The following PLCD1 variants were observed in gnomAD, a reference collection of about 807,000 sequenced individuals.
PLCD1 encodes phospholipase C delta 1, also known as 1-phosphatidylinositol 4,5-bisphosphate phosphodiesterase delta-1.
A neutral mutation model predicts 87.4 loss-of-function variants in PLCD1; 71 were observed. The ratio of observed to expected loss-of-function variants is 0.81; its 90% CI spans 0.67 to 0.99. PLCD1 has a LOEUF of 0.99. PLCD1 is among the 50% of genes least tolerant of loss of function. PLCD1 has a pLI of 0.00. For missense variants in PLCD1, 867 were observed against 1,001.5 expected (o/e 0.87, Z 1.81); for synonymous variants, 348 against 399.2 (o/e 0.87, Z 1.53).
chr3:38,008,686 T>C, intron 11 of PLCD1, 50 bp from the exon 12 acceptor site: 2 of 1,509,586 alleles, frequency 1.3e-6, no homozygotes, highest in Non-Finnish European at 1.8e-6. Context: ...CCTGGGGCCC[T>C]AGAGCACAGC....
intron 1 of PLCD1, among the ~76,000 whole-genome samples, chr3:38,022,599 A>C (rs1700251136): frequency 6.6e-6 from 1 of 152,214 alleles, no homozygotes; most frequent in African/African-American, 2.4e-5. Context: ...TCCTGGAGCC[A>C]GGCTGTGGCC....
Position 38,008,465 on chromosome 3 carries a change from T to C in PLCD1, c.1895A>G (p.Asn632Ser), listed in dbSNP as rs765407275. ...QGPWWARKRL[N>S]IRVISGQQLP... is the part of the protein sequence containing the mutation. ...CTCCTAGGTCCAGCGTACCCTGATG[T>C]TGAGCCGCTTCCGTGCCCACCAGGG... is the stretch of plus-strand genomic sequence containing the variant. The change falls in exon 12 of 15, where the codon AAC becomes AGC. Residue 632 changes from asparagine to serine, a missense_variant. Asn to Ser is a conservative substitution (Grantham distance 46, BLOSUM62 1). Coordinates refer to ENST00000334661, the MANE Select transcript of PLCD1 (RefSeq NM_006225.4). The C allele has an allele frequency of 6.2e-7, 1 of 1,614,198 alleles. No homozygotes were observed. The highest frequency in any genetic ancestry group is 1.1e-5 in the South Asian group (1 of 91,088).
chr3:38,007,664 G>A lies in PLCD1; in HGVS notation c.*109C>T. The stretch of plus-strand genomic sequence containing the variant: ...ACTATGTTAGGGCTGAAGGCAATTT[G>A]GGGGCCTAGCTCTGAGCAAGAGGCT... On this transcript the variant is annotated 3_prime_UTR_variant, in exon 15 of 15. Transcript: ENST00000334661. The A allele has an allele frequency of 1.2e-6, 1 of 840,478 alleles. No homozygotes were observed. The highest frequency in any genetic ancestry group is 1.9e-5 in the Admixed American group (1 of 51,540). The allele number at this position is 840,478 out of a possible 1,614,324, so 52.1% of individuals were successfully genotyped here.
chr3:38,007,985 C>T (rs1350800248), intron 14 of PLCD1, 29 bp downstream of exon 14: 2 of 1,614,046 alleles, frequency 1.2e-6, no homozygotes, highest in Admixed American at 1.7e-5. Context: ...TTCCCACCAC[C>T]TTGGCCATCC....
At chr3:38,014,076 C>A (rs904086062) in intron 3 of PLCD1, among the ~76,000 whole-genome samples, 1 of 152,084 alleles carries the variant, frequency 6.6e-6, no homozygotes, top group South Asian at 2.1e-4. Context: ...TGAAAGAAGA[C>A]ATAAATAAAT....
chr3:38,012,030 TC>T, intron 3 of PLCD1, among the ~76,000 whole-genome samples: 1 of 143,912 alleles, frequency 6.9e-6, no homozygotes, highest in South Asian at 2.2e-4. Flanking sequence ...GTTTTCCTTT[TC>T]TTTTTTTTTT....
intron 3 of PLCD1, among the ~76,000 whole-genome samples, chr3:38,012,031 C>CTTTTTTTTTTTT (rs763245915): frequency 8.7e-5 from 12 of 137,656 alleles, no homozygotes; most frequent in African/African-American, 2.8e-4. Flanking sequence ...TTTTCCTTTT[C>CTTTTTTTTTTTT]TTTTTTTTTT....
At chr3:38,012,287 G>A (rs1454740356) in intron 3 of PLCD1, among the ~76,000 whole-genome samples, 2 of 150,994 alleles carry the variant, frequency 1.3e-5, no homozygotes, top group Non-Finnish European at 2.9e-5. Flanking sequence ...TGGGATTACA[G>A]ATATGAGCCA....
At chr3:38,024,331 C>T (rs1211343145) in intron 1 of PLCD1, 1 of 1,612,152 alleles carries the variant, frequency 6.2e-7, no homozygotes, top group South Asian at 1.1e-5. Flanking sequence ...GCTCTGCGCC[C>T]CTTACCCAGC....
chr3:38,008,101 T>A lies in PLCD1; in HGVS notation c.2098A>T (p.Ile700Phe), dbSNP rs201646348. 1 of 1,613,384 alleles carries A rather than the reference T, an allele frequency of 6.2e-7. No individual in the cohort carries two copies. Among genetic ancestry groups the A allele is most frequent in the African/African-American group, 1.3e-5 (1 of 74,700 alleles). The change falls in exon 14 of 15, where the codon ATC becomes TTC. Residue 700 changes from isoleucine (I) to phenylalanine (F), a missense_variant. Coordinates refer to ENST00000334661, the MANE Select transcript of PLCD1 (RefSeq NM_006225.4). ...TCATAATCTTCCACCAAGAAGCGGATGAGGGCAAGGTCAGGCACAACTACC... is the reference window on the plus strand; with the variant it reads ...TCATAATCTTCCACCAAGAAGCGGAAGAGGGCAAGGTCAGGCACAACTACC... ...FEVVVPDLAL[I>F]RFLVEDYDAS...
chr3:38,009,348 A>C lies in PLCD1; in HGVS notation c.1530T>G (p.Pro510=). The part of the protein sequence containing the change: ...KSVHFGGFSS[P]GTPGQAFYEM... ...CGTAGAAGGCCTGTCCAGGGGTGCCAGGACTGGAGAAGCCCCCAAAGTGGA... is the reference window on the plus strand; with the variant it reads ...CGTAGAAGGCCTGTCCAGGGGTGCCCGGACTGGAGAAGCCCCCAAAGTGGA... Residue 510 remains proline, a synonymous_variant, in exon 10 of 15, where the codon CCT becomes CCG. Coordinates refer to ENST00000334661, the MANE Select transcript of PLCD1 (RefSeq NM_006225.4). The C allele has an allele frequency of 6.2e-7, 1 of 1,614,042 alleles. No individual in the cohort carries two copies. The highest frequency in any genetic ancestry group is 1.1e-5 in the South Asian group (1 of 91,076).
chr3:38,015,694 T>C (rs1488080479), intron 3 of PLCD1, among the ~76,000 whole-genome samples: 2 of 152,312 alleles, frequency 1.3e-5, no homozygotes, highest in African/African-American at 4.8e-5. Context: ...AACCAGTGTG[T>C]CATTGTGTAA....
intron 3 of PLCD1, among the ~76,000 whole-genome samples, chr3:38,014,119 T>G (rs1700121963): frequency 6.6e-6 from 1 of 152,178 alleles, no homozygotes; most frequent in Non-Finnish European, 1.5e-5. Context: ...ATCAGAAGAC[T>G]TGACATTATT....
chr3:38,009,396 G>A lies in PLCD1; in HGVS notation c.1482C>T (p.Asp494=), dbSNP rs910404980. The A allele has an allele frequency of 8.1e-6, 13 of 1,614,076 alleles. No homozygotes were observed. Among genetic ancestry groups the A allele is most frequent in the Admixed American group, 3.3e-5 (2 of 60,010 alleles). ...DKLRLAQELS[D]MVIYCKSVHF... ...GGACACTCTTGCAGTAAATGACCATGTCAGAGAGCTCCTGTGCTAGCCTGA... is the reference window on the plus strand; with the variant it reads ...GGACACTCTTGCAGTAAATGACCATATCAGAGAGCTCCTGTGCTAGCCTGA... Residue 494 remains aspartate (D), a synonymous_variant, in exon 10 of 15, where the codon GAC becomes GAT. Transcript: ENST00000334661.
chr3:38,024,675 G>A (rs1700286082), intron 1 of PLCD1: 1 of 1,509,276 alleles, frequency 6.6e-7, no homozygotes, highest in Non-Finnish European at 8.8e-7. Flanking sequence ...CTAGGAGGCG[G>A]AGCTAGTCCA....
At chr3:38,024,161 C>T (rs947418946) in intron 1 of PLCD1, 2 of 622,520 alleles carry the variant, frequency 3.2e-6, no homozygotes, top group South Asian at 1.9e-5. Flanking sequence ...CTCACCCCGA[C>T]GTGCTACCAC....
rs988474361 is a variant in PLCD1 at position 38,009,728 on chromosome 3, A to C, written c.1371T>G (p.Thr457=). 6.2e-7 allele frequency: 1 copy of C among 1,614,072 alleles called. No individual in the cohort carries two copies. The highest frequency in any genetic ancestry group is 8.5e-7 in the Non-Finnish European group (1 of 1,179,998). ...PPGGEGGPEA[T]VVSDEDEAAE... The stretch of plus-strand genomic sequence containing the variant: ...CAGCCTCGTCTTCGTCTGACACCAC[A>C]GTGGCCTCAGGGCCACCCTCCCCTC... The change falls in exon 9 of 15, where the codon ACT becomes ACG. Residue 457 remains threonine, a synonymous_variant. Transcript: ENST00000334661.
chr3:38,015,312 C>G (rs151331460), intron 3 of PLCD1, among the ~76,000 whole-genome samples: 20 of 152,142 alleles, frequency 1.3e-4, no homozygotes, highest in Non-Finnish European at 2.1e-4. Context: ...GCAAACATCA[C>G]GCTAAATGAA....
In PLCD1 at chr3:38,009,177, C is replaced by T. The variant is rs192689498; in HGVS notation, c.1607-19G>A. ...CCGTTTCCTGAGGGGAGGTGTGGTTCGGTCAGCAGTGGAGGCCTCCTGGTG... is the reference window on the plus strand; with the variant it reads ...CCGTTTCCTGAGGGGAGGTGTGGTTTGGTCAGCAGTGGAGGCCTCCTGGTG... On this transcript the variant is annotated intron_variant, in intron 10 of 14. Transcript: ENST00000334661. 4.0e-4 allele frequency: 641 copies of T among 1,613,210 alleles called. 1 individual carries two copies. The African/African-American group carries it at 7.9e-3, about 20-fold the overall frequency.
Sources: allele counts gnomAD v4.1 joint callset (sites outside exome capture counted in the v4.1 genomes callset), GRCh38; gene constraint gnomAD v4.1.1; transcripts MANE v1.5; gene names NCBI Gene and HGNC (gene_info 2026-07-23, HGNC 2026-07-21).